Variants in RIMKLB observed in about 807,000 individuals in gnomAD.
RIMKLB encodes ribosomal modification protein rimK like family member B, also known as beta-citrylglutamate synthase B.
A neutral mutation model predicts 32.0 loss-of-function variants in RIMKLB; 7 were observed. The ratio of observed to expected loss-of-function variants is 0.22; its 90% CI spans 0.12 to 0.41. The LOEUF is 0.41. Ranked by LOEUF, RIMKLB falls within the 10% of genes least tolerant of loss-of-function variation. RIMKLB has a pLI of 1.00. For missense variants in RIMKLB, 289 were observed against 498.7 expected, an observed-to-expected ratio of 0.58 and a Z score of 4.00; for synonymous variants, 172 against 185.1, an observed-to-expected ratio of 0.93 and a Z score of 0.57.
At chr12:8,695,181 G>GCCCCGCCCCGCCC (rs1419255343), upstream of RIMKLB, among the ~76,000 whole-genome samples, 33 of 146,004 alleles carry the variant, frequency 2.3e-4, no homozygotes, top group African/African-American at 8.0e-4. Flanking sequence ...TTCAATTGCC[G>GCCCCGCCCCGCCC]CACCGCCCCG....
chr12:8,755,408 A>G (rs943432259), intron 5 of RIMKLB, among the ~76,000 whole-genome samples: 7 of 152,014 alleles, frequency 4.6e-5, no homozygotes, highest in East Asian at 3.9e-4. Flanking sequence ...GCCTCTCTCT[A>G]TTGGTTAATG....
intron 2 of RIMKLB, among the ~76,000 whole-genome samples, chr12:8,718,930 T>C (rs1393723902): frequency 5.9e-5 from 9 of 152,180 alleles, no homozygotes; most frequent in Non-Finnish European, 1.2e-4. Flanking sequence ...TTCTATAGTC[T>C]GTGGCTTTGG....
chr12:8,772,691 G>C (rs144414240), intron 5 of RIMKLB, among the ~76,000 whole-genome samples: 264 of 152,294 alleles, frequency 1.7e-3, no homozygotes, highest in African/African-American at 6.2e-3. Flanking sequence ...TGGATACACA[G>C]AGCTCTTGGA....
At chr12:8,694,666 T>C (rs1942834897), upstream of RIMKLB, among the ~76,000 whole-genome samples, 1 of 152,170 alleles carries the variant, frequency 6.6e-6, no homozygotes, top group South Asian at 2.1e-4. Context: ...AGTGCTGGGA[T>C]TACAGGCATG....
At chr12:8,771,462 G>C (rs1950388365) in intron 5 of RIMKLB, among the ~76,000 whole-genome samples, 1 of 152,162 alleles carries the variant, frequency 6.6e-6, no homozygotes, top group African/African-American at 2.4e-5. Flanking sequence ...GATATGCCAG[G>C]AACTGTGGAC....
intron 4 of RIMKLB, among the ~76,000 whole-genome samples, chr12:8,752,714 GGTTGTT>G (rs757968321): frequency 9.2e-5 from 14 of 151,980 alleles, no homozygotes; most frequent in African/African-American, 3.1e-4. Flanking sequence ...AGTTTAGGTA[GGTTGTT>G]GTTGTTGTTG....
At chr12:8,746,961 G>C (rs1948151764) in intron 2 of RIMKLB, among the ~76,000 whole-genome samples, 1 of 151,906 alleles carries the variant, frequency 6.6e-6, no homozygotes, top group Non-Finnish European at 1.5e-5. Context: ...GGCTAGTTTC[G>C]AATTCCTAAT....
At chr12:8,710,646 G>A (rs1565560489) in intron 1 of RIMKLB, among the ~76,000 whole-genome samples, 1 of 152,120 alleles carries the variant, frequency 6.6e-6, no homozygotes, top group Admixed American at 6.5e-5. Context: ...GCTCTTCAGA[G>A]GGGAATATTA....
chr12:8,772,422 GT>G (rs1449949332), intron 5 of RIMKLB, among the ~76,000 whole-genome samples: 2 of 152,200 alleles, frequency 1.3e-5, no homozygotes, highest in Middle Eastern at 3.4e-3. Flanking sequence ...TTATTGTTTT[GT>G]TTTTACATCA....
chr12:8,747,415 G>C (rs1007788203), intron 2 of RIMKLB, among the ~76,000 whole-genome samples: 1 of 151,474 alleles, frequency 6.6e-6, no homozygotes, highest in African/African-American at 2.4e-5. Context: ...ACACACCCCC[G>C]GCTCATGGTT....
At chr12:8,691,919 G>T (rs1942744694) in intron 1 of RIMKLB, among the ~76,000 whole-genome samples, 1 of 152,032 alleles carries the variant, frequency 6.6e-6, no homozygotes, top group Non-Finnish European at 1.5e-5. Context: ...GCCCTTATGT[G>T]GTTTGCATAT....
At chr12:8,677,244 C>G (rs1354289020), upstream of RIMKLB, among the ~76,000 whole-genome samples, 1 of 152,138 alleles carries the variant, frequency 6.6e-6, no homozygotes, top group African/African-American at 2.4e-5. Context: ...GTCATCTTCC[C>G]GCACAGTGCA....
chr12:8,768,599 C>T (rs1467234768), intron 5 of RIMKLB, among the ~76,000 whole-genome samples: 1 of 152,188 alleles, frequency 6.6e-6, no homozygotes, highest in Non-Finnish European at 1.5e-5. Flanking sequence ...TTTCCTAGGG[C>T]ATTCTATATT....
At chr12:8,756,982 C>T (rs1949091310) in intron 5 of RIMKLB, among the ~76,000 whole-genome samples, 1 of 152,106 alleles carries the variant, frequency 6.6e-6, no homozygotes, top group Non-Finnish European at 1.5e-5. Flanking sequence ...CCGTGCCCAG[C>T]CTACTTCCTA....
intron 1 of RIMKLB, among the ~76,000 whole-genome samples, chr12:8,705,073 A>G (rs1943742652): frequency 1.3e-5 from 2 of 152,102 alleles, no homozygotes; most frequent in Admixed American, 6.6e-5. Flanking sequence ...TATTCCAAGC[A>G]ACAGGAAGCA....
chr12:8,669,895 C>A, the RIMKLB span, among the ~76,000 whole-genome samples: 1 of 151,554 alleles, frequency 6.6e-6, no homozygotes, highest in South Asian at 2.1e-4. Context: ...GGCGTGGTGG[C>A]GGGTGCCTGT....
the RIMKLB span, among the ~76,000 whole-genome samples, chr12:8,674,421 A>T: frequency 2.6e-5 from 4 of 151,502 alleles, no homozygotes; most frequent in Non-Finnish European, 4.4e-5. Flanking sequence ...TTGTATTTTT[A>T]GTAGAGATGG....
At chr12:8,747,730 C>T (rs1948225809) in intron 2 of RIMKLB, among the ~76,000 whole-genome samples, 1 of 151,754 alleles carries the variant, frequency 6.6e-6, no homozygotes, top group Admixed American at 6.6e-5. Context: ...GCTATATATA[C>T]TCTGATACAG....
chr12:8,753,909 T>C lies in RIMKLB; in HGVS notation c.513T>C (p.Ala171=). The C allele has an allele frequency of 6.2e-7, 1 of 1,613,876 alleles. No individual in the cohort carries two copies. Among genetic ancestry groups the C allele is most frequent in the Non-Finnish European group, 8.5e-7 (1 of 1,179,762 alleles). ...TCATAGGTAAAGCTGTTTTCTTGGC[T>C]CGAGATAAGCACCATTTGGCTGATC... ...RGHRGKAVFL[A]RDKHHLADLS... Residue 171 remains alanine (A), a synonymous_variant, in exon 5 of 6, where the codon GCT becomes GCC. Coordinates refer to ENST00000535829, the MANE Select transcript of RIMKLB (RefSeq NM_001297776.2).
Sources: allele counts gnomAD v4.1 joint callset (sites outside exome capture counted in the v4.1 genomes callset), GRCh38; gene constraint gnomAD v4.1.1; transcripts MANE v1.5; gene names NCBI Gene and HGNC (gene_info 2026-07-23, HGNC 2026-07-21).